SHE: variants seen among roughly 807,000 people sequenced by gnomAD.
SHE encodes the protein SH2 domain-containing adapter protein E.
In SHE, 11 loss-of-function variants were observed where a neutral mutation model predicts 49.8. The observed-to-expected ratio is 0.22, with a 90% CI of 0.14 to 0.37. SHE has a LOEUF of 0.37. SHE is among the 10% of genes least tolerant of loss of function. The pLI, the probability that SHE is intolerant of heterozygous loss-of-function variation, is 1.00. For missense variants in SHE, 624 were observed against 655.5 expected (o/e 0.95, Z 0.52); for synonymous variants, 310 against 278.1 (o/e 1.11, Z -1.14).
rs927190603 is a variant in SHE at position 154,502,213 on chromosome 1, G to A, written c.-187C>T. 9 of 324,648 alleles carry A rather than the reference G, an allele frequency of 2.8e-5. No homozygotes were observed. The highest frequency in any genetic ancestry group is 8.7e-5 in the African/African-American group (4 of 45,738). 20.1% of individuals were successfully genotyped at this position (324,648 alleles called of 1,614,324 possible). A position where few individuals can be genotyped will look rare whatever the true frequency, so the allele number is the denominator to read the frequency against. On this transcript the variant is annotated 5_prime_UTR_variant, in exon 1 of 6. Transcript: ENST00000304760. ...GCACGACGCGCGGGGGGCCCCGCCC[G>A]GGCTCGTCTTCAACGCCTGCCCGGC...
In SHE at chr1:154,499,169, T is replaced by C. The variant is rs769010920; in HGVS notation, c.661A>G (p.Arg221Gly). Reference sequence around the variant, plus strand: ...ATGTAACCGTCGTTCTCTCCGACTCTCTCTGCATCCCTTTGACCCTTTGTC... The same window carrying C: ...ATGTAACCGTCGTTCTCTCCGACTCCCTCTGCATCCCTTTGACCCTTTGTC... ...KRTKGQRDAERVGENDGYMEP... is the reference protein window; with the variant it reads ...KRTKGQRDAEGVGENDGYMEP... The change falls in exon 2 of 6, where the codon AGA becomes GGA. Residue 221 changes from arginine to glycine, a missense_variant. By Grantham distance (125) the Arg-to-Gly change is moderately radical (BLOSUM62 -2). This residue lies in a region of SHE where 337 missense variants were observed against 306.0 expected (regional missense o/e 1.10). Transcript: ENST00000304760. 6.2e-7 allele frequency: 1 copy of C among 1,614,180 alleles called. No homozygotes were observed. Among genetic ancestry groups the C allele is most frequent in the East Asian group, 2.2e-5 (1 of 44,886 alleles).
intron 2 of SHE, among the ~76,000 whole-genome samples, chr1:154,489,694 T>C (rs1692305393): frequency 6.6e-6 from 1 of 152,242 alleles, no homozygotes; most frequent in African/African-American, 2.4e-5. Context: ...CCTGCTTCAT[T>C]TCCAGGTTCT....
intron 1 of SHE, among the ~76,000 whole-genome samples, chr1:154,499,943 G>A (rs1217874720): frequency 6.6e-6 from 1 of 152,190 alleles, no homozygotes; most frequent in Non-Finnish European, 1.5e-5. Context: ...GGCACCTGAG[G>A]AGGTGGTGTG....
chr1:154,473,708 G>A lies in SHE; in HGVS notation c.103-3346C>T, dbSNP rs1194120085. On this transcript the variant is annotated intron_variant, in intron 1 of 1. Coordinates refer to the SHE transcript ENST00000486773. Reference sequence around the variant, plus strand: ...AGTCGTAGCTCCTCGGGAGGCTGAGGTGGGAGGATCACCTGAGCCTGGGAG... The same window carrying A: ...AGTCGTAGCTCCTCGGGAGGCTGAGATGGGAGGATCACCTGAGCCTGGGAG... Among the ~76,000 whole-genome samples the A allele has an allele frequency of 2.0e-5, 3 of 152,096 alleles. No individual in the cohort carries two copies. In the East Asian group the frequency reaches 5.8e-4, roughly 29 times the overall value.
rs1430207826 is a variant in SHE at position 154,501,898 on chromosome 1, C to T, written c.129G>A (p.Lys43=). The change falls in exon 1 of 6, where the codon AAG becomes AAA. Residue 43 remains lysine (K), a synonymous_variant. Transcript: ENST00000304760. Reference sequence around the variant, plus strand: ...CGGTCTTCAGGTTCAGGGGGAACTCCTTGAACCACTTGGCCGCCATGAGGG... The same window carrying T: ...CGGTCTTCAGGTTCAGGGGGAACTCTTTGAACCACTTGGCCGCCATGAGGG... ...RGPLMAAKWF[K]EFPLNLKTVS... 3 of 1,515,178 alleles carry T rather than the reference C, an allele frequency of 2.0e-6. No homozygotes were observed. The highest frequency in any genetic ancestry group is 1.8e-6 in the Non-Finnish European group (2 of 1,140,020). 93.9% of individuals were successfully genotyped at this position (1,515,178 alleles called of 1,614,324 possible). A position where few individuals can be genotyped will look rare whatever the true frequency, so the allele number is the denominator to read the frequency against.
intron 2 of SHE, among the ~76,000 whole-genome samples, chr1:154,496,622 G>C (rs929822315): frequency 1.3e-5 from 2 of 152,052 alleles, no homozygotes; most frequent in Admixed American, 1.3e-4. Context: ...GCTAATTCCT[G>C]CTCTGTCTCT....
chr1:154,474,025 G>C (rs2149286501), intron 1 of SHE, among the ~76,000 whole-genome samples: 1 of 152,344 alleles, frequency 6.6e-6, no homozygotes, highest in South Asian at 2.1e-4. Context: ...GGACTGGAAG[G>C]CTGGTGCTCT....
chr1:154,481,972 G>T lies in SHE; in HGVS notation c.*2177C>A. The T allele has an allele frequency of 5.1e-6, 1 of 195,384 alleles. No homozygotes were observed. Among genetic ancestry groups the T allele is most frequent in the Non-Finnish European group, 9.1e-6 (1 of 109,916 alleles). The allele number at this position is 195,384 out of a possible 1,614,324, so 12.1% of individuals were successfully genotyped here. A position where few individuals can be genotyped will look rare whatever the true frequency, so the allele number is the denominator to read the frequency against. On this transcript the variant is annotated 3_prime_UTR_variant, in exon 6 of 6. Coordinates refer to ENST00000304760, the MANE Select transcript of SHE (RefSeq NM_001010846.3). ...GGTGATCCACCTACCTCAGCCTCCC[G>T]AATAGCTGGAACCACAGGCATCCAC...
Position 154,501,014 on chromosome 1 carries a change from T to C in SHE, c.591+422A>G, listed in dbSNP as rs572622427. The stretch of plus-strand genomic sequence containing the variant: ...GTTGGTTAAACCATTTCCTGAAGCT[T>C]TGAAATGCATATCTACACACTTGAG... On this transcript the variant is annotated intron_variant, in intron 1 of 5. Transcript: ENST00000304760. Among the ~76,000 whole-genome samples the C allele has an allele frequency of 3.3e-5, 5 of 152,006 alleles. No homozygotes were observed. The South Asian group carries it at 6.2e-4, about 19-fold the overall frequency.
At chr1:154,496,808 A>G (rs1219969948) in intron 2 of SHE, among the ~76,000 whole-genome samples, 1 of 152,168 alleles carries the variant, frequency 6.6e-6, no homozygotes, top group East Asian at 1.9e-4. Context: ...AAATCACAGC[A>G]CATTTCCTCT....
chr1:154,501,536 C>T lies in SHE; in HGVS notation c.491G>A (p.Ser164Asn). 1 of 1,614,190 alleles carries T rather than the reference C, an allele frequency of 6.2e-7. No homozygotes were observed. Residue 164 changes from serine (S) to asparagine (N), a missense_variant, in exon 1 of 6, where the codon AGC (serine) becomes AAC (asparagine). This residue lies in a region of SHE where 337 missense variants were observed against 306.0 expected (regional missense o/e 1.10). Coordinates refer to ENST00000304760, the MANE Select transcript of SHE (RefSeq NM_001010846.3). ...EKNGKSNYPS[S>N]SSSSSSSSSS... ...AGAGGAGCTGGAGCTGGAGCTACTG[C>T]TGCTGGGGTAGTTGCTCTTCCCGTT... is the stretch of plus-strand genomic sequence containing the variant.
intron 2 of SHE, among the ~76,000 whole-genome samples, chr1:154,497,677 TTTTTC>T (rs1692574588): frequency 6.6e-6 from 1 of 152,134 alleles, no homozygotes; most frequent in Non-Finnish European, 1.5e-5. Flanking sequence ...CAATGATTTT[TTTTTC>T]TTTTCTTTTT....
At chr1:154,493,678 GA>G (rs890157835) in intron 2 of SHE, among the ~76,000 whole-genome samples, 6 of 152,144 alleles carry the variant, frequency 3.9e-5, no homozygotes, top group Non-Finnish European at 5.9e-5. Context: ...TCATTCACAT[GA>G]AAACACAAAA....
At chr1:154,473,159 C>G (rs560139487) in intron 1 of SHE, among the ~76,000 whole-genome samples, 1 of 151,878 alleles carries the variant, frequency 6.6e-6, no homozygotes, top group East Asian at 1.9e-4. Context: ...CCACCATGCT[C>G]GGCTAATTTT....
chr1:154,479,078 G>A (rs1243769756), downstream of SHE, among the ~76,000 whole-genome samples: 1 of 152,046 alleles, frequency 6.6e-6, no homozygotes, highest in East Asian at 1.9e-4. Flanking sequence ...TTTTAAAATA[G>A]GTTTTTGAAC....
chr1:154,499,928 T>C (rs1173861191), intron 1 of SHE, among the ~76,000 whole-genome samples: 1 of 152,166 alleles, frequency 6.6e-6, no homozygotes, highest in African/African-American at 2.4e-5. Flanking sequence ...TTTCCAAAAA[T>C]AGAAGGCACC....
At chr1:154,490,651 CAGA>C (rs1557799876) in intron 2 of SHE, among the ~76,000 whole-genome samples, 1 of 152,092 alleles carries the variant, frequency 6.6e-6, no homozygotes, top group Non-Finnish European at 1.5e-5. Flanking sequence ...GTCTAAAGGC[CAGA>C]AGGCCACAAA....
chr1:154,488,307 G>A (rs1692247205), intron 3 of SHE, among the ~76,000 whole-genome samples: 1 of 151,948 alleles, frequency 6.6e-6, no homozygotes, highest in Non-Finnish European at 1.5e-5. Context: ...CACCCAGGCT[G>A]GAGTGCAGTG....
At chr1:154,497,856 A>G (rs966639063) in intron 2 of SHE, among the ~76,000 whole-genome samples, 9 of 149,626 alleles carry the variant, frequency 6.0e-5, no homozygotes, top group African/African-American at 1.5e-4. Context: ...AATTTTTTAT[A>G]TTTTTAGTAG....
Sources: gnomAD v4.1 joint callset for allele counts (sites outside exome capture counted in the v4.1 genomes callset) on GRCh38, gnomAD v4.1.1 for gene constraint, gnomAD v4.1.1 regional missense constraint, MANE v1.5 for transcripts, NCBI Gene and HGNC (gene_info 2026-07-23, HGNC 2026-07-21) for gene names.